Variants in PTPRN2 observed in about 807,000 individuals in gnomAD.
PTPRN2 encodes receptor-type tyrosine-protein phosphatase N2.
A neutral mutation model predicts 118.8 loss-of-function variants in PTPRN2; 74 were observed. The ratio of observed to expected loss-of-function variants is 0.62; its 90% CI spans 0.52 to 0.76. PTPRN2 has a LOEUF of 0.76. Among genes scored for constraint, PTPRN2 ranks in the 30% least tolerant of loss-of-function variants. The probability of loss-of-function intolerance (pLI) is 0.00; values close to 1 mark genes in which losing one functional copy is unlikely to be tolerated. For missense variants in PTPRN2, 1,481 were observed against 1,394.4 expected (o/e 1.06, Z -0.99); for synonymous variants, 641 against 608.0 (o/e 1.05, Z -0.80).
intron 12 of PTPRN2, among the ~76,000 whole-genome samples, chr7:157,790,099 CAT>C (rs1214192414): frequency 5.7e-4 from 36 of 62,768 alleles, no homozygotes; most frequent in African/African-American, 1.5e-3. Flanking sequence ...GTGGTGGTGA[CAT>C]GTGTGTATGG....
intron 1 of PTPRN2, among the ~76,000 whole-genome samples, chr7:158,524,188 T>C (rs1430575242): frequency 2.0e-5 from 1 of 49,176 alleles, no homozygotes. Flanking sequence ...TACCCTGGAG[T>C]GGAGTCGTCT....
At chr7:158,257,780 G>C (rs536436751) in intron 3 of PTPRN2, among the ~76,000 whole-genome samples, 2 of 152,366 alleles carry the variant, frequency 1.3e-5, no homozygotes, top group East Asian at 3.9e-4. Flanking sequence ...CTGATGATGA[G>C]AATCACAGGG....
At chr7:157,933,982 AAGT>A (rs1323985558) in intron 11 of PTPRN2, among the ~76,000 whole-genome samples, 2 of 151,612 alleles carry the variant, frequency 1.3e-5, no homozygotes, top group Non-Finnish European at 2.9e-5. Flanking sequence ...TGCATTTTTA[AAGT>A]AGGGGTGAGT....
chr7:158,439,899 G>C (rs1260887314), intron 2 of PTPRN2, among the ~76,000 whole-genome samples: 1 of 152,226 alleles, frequency 6.6e-6, no homozygotes, highest in Non-Finnish European at 1.5e-5. Context: ...AAATACTGAG[G>C]CCTGGGGCTG....
intron 12 of PTPRN2, 86 bp downstream of exon 12, chr7:157,898,587 G>T: frequency 7.4e-7 from 1 of 1,348,272 alleles, no homozygotes; most frequent in Non-Finnish European, 1.1e-6. Flanking sequence ...TTAACCTGCA[G>T]GTCCAGCCTC....
chr7:157,542,415 C>T (rs1798054917), intron 22 of PTPRN2, among the ~76,000 whole-genome samples: 1 of 147,786 alleles, frequency 6.8e-6, no homozygotes, highest in African/African-American at 2.7e-5. Flanking sequence ...GGAAATCTAG[C>T]CTGAGAAATG....
chr7:157,734,317 A>T (rs1800174987), intron 12 of PTPRN2, among the ~76,000 whole-genome samples: 1 of 146,442 alleles, frequency 6.8e-6, no homozygotes, highest in Non-Finnish European at 1.5e-5. Flanking sequence ...CTTCCGTCCC[A>T]TGCACCCAGC....
chr7:158,337,356 ACGTCCCTC>A, intron 2 of PTPRN2, among the ~76,000 whole-genome samples: 1 of 86,178 alleles, frequency 1.2e-5, no homozygotes, highest in Non-Finnish European at 2.6e-5. Flanking sequence ...ACACCTGCAG[ACGTCCCTC>A]ACACCCACAC....
chr7:158,262,364 T>A (rs1170160057), intron 3 of PTPRN2, among the ~76,000 whole-genome samples: 1 of 141,678 alleles, frequency 7.1e-6, no homozygotes, highest in Non-Finnish European at 1.6e-5. Flanking sequence ...CTGCAAACAT[T>A]CACTGCACAC....
rs1825083396 is a variant in PTPRN2, at chr7:158,529,802, G to C, written c.113-40017C>G. 6.6e-6 allele frequency among the ~76,000 whole-genome samples: 1 copy of C among 152,106 alleles called. No homozygotes were observed. On this transcript the variant is annotated intron_variant, in intron 1 of 22. Transcript: ENST00000389418. This position sits in a 1 kb window ranked among gnomAD's most constrained non-coding sequence, Gnocchi z 4.7. The stretch of plus-strand genomic sequence containing the variant: ...CCCCAGGCCTCCCCAGCCAGCATGA[G>C]TTCTCAGCATCTCCTCTACACACAT...
At chr7:158,375,762 G>A (rs1256003652) in intron 2 of PTPRN2, among the ~76,000 whole-genome samples, 2 of 152,158 alleles carry the variant, frequency 1.3e-5, no homozygotes, top group African/African-American at 4.8e-5. Flanking sequence ...CAGGGAAGGA[G>A]AGAAGAGAAG....
At chr7:157,648,817 G>A (rs1170822901) in intron 14 of PTPRN2, among the ~76,000 whole-genome samples, 16 of 138,764 alleles carry the variant, frequency 1.2e-4, no homozygotes, top group African/African-American at 2.2e-4. Context: ...CCCATCCAGC[G>A]TGCACTGAAC....
intron 11 of PTPRN2, among the ~76,000 whole-genome samples, chr7:158,075,729 C>T (rs967219490): frequency 6.6e-6 from 1 of 152,222 alleles, no homozygotes; most frequent in African/African-American, 2.4e-5. Flanking sequence ...TGAGCATCTC[C>T]CTCGCCCACT....
chr7:158,259,057 C>A (rs866601517), intron 3 of PTPRN2, among the ~76,000 whole-genome samples: 5 of 152,122 alleles, frequency 3.3e-5, no homozygotes, highest in South Asian at 4.1e-4. Context: ...CCTGTGAAAC[C>A]CCTTGTGCAT....
At position 157,813,420 on chromosome 7, in the gene PTPRN2, G is replaced by A. The variant is rs533904952; in HGVS notation, c.1788+85253C>T. 7.9e-5 allele frequency among the ~76,000 whole-genome samples: 12 copies of A among 152,216 alleles called. No homozygotes were observed. Among genetic ancestry groups the A allele is most frequent in the Non-Finnish European group, 1.6e-4 (11 of 68,030 alleles). On this transcript the variant is annotated intron_variant, in intron 12 of 22. Transcript: ENST00000389418. This position sits in a 1 kb window ranked among gnomAD's most constrained non-coding sequence, Gnocchi z 4.7. ...TCAGAGGCGGACAGGGGTTCGATAC[G>A]CCATTCAGGTCCCCAAAACAGCATG...
rs141536908 is a variant in PTPRN2, at chr7:158,260,758, G to A, written c.278-55485C>T. Among the ~76,000 whole-genome samples, 23 of 152,222 alleles carry A rather than the reference G, an allele frequency of 1.5e-4. No individual in the cohort carries two copies. In the East Asian group the frequency reaches 2.3e-3, roughly 15 times the overall value. ...GCTGGCATTTCCAGAAAACACCCTC[G>A]CTGCCACGCCTACACAAGGGGAAGA... On this transcript the variant is annotated intron_variant, in intron 3 of 22. Transcript: ENST00000389418.
chr7:158,255,453 C>A (rs1796962206), intron 3 of PTPRN2, among the ~76,000 whole-genome samples: 1 of 152,164 alleles, frequency 6.6e-6, no homozygotes, highest in Non-Finnish European at 1.5e-5. Context: ...AGATCCGCGG[C>A]CGAACCACCT....
At chr7:158,368,954 C>T (rs973710712) in intron 2 of PTPRN2, among the ~76,000 whole-genome samples, 3 of 152,022 alleles carry the variant, frequency 2.0e-5, no homozygotes, top group Non-Finnish European at 2.9e-5. Flanking sequence ...AGGGCGTTGC[C>T]GAAGGAGATT....
intron 1 of PTPRN2, among the ~76,000 whole-genome samples, chr7:158,523,110 G>A (rs551837652): frequency 1.2e-4 from 19 of 152,280 alleles, no homozygotes; most frequent in South Asian, 6.2e-4. Flanking sequence ...AGATAAGAGC[G>A]CAGGAGGCCA....
Sources: allele counts gnomAD v4.1 joint callset (sites outside exome capture counted in the v4.1 genomes callset), GRCh38; gene constraint gnomAD v4.1.1; non-coding constraint Gnocchi (gnomAD v3.1); transcripts MANE v1.5; gene names NCBI Gene and HGNC (gene_info 2026-07-23, HGNC 2026-07-21).